GRIK2: variants seen among roughly 807,000 people sequenced by gnomAD.
GRIK2 encodes the protein glutamate ionotropic receptor kainate type subunit 2.
GRIK2 carries 32 observed loss-of-function variants against 100.3 expected under a neutral mutation model. The observed-to-expected ratio is 0.32, with a 90% CI of 0.24 to 0.43. The LOEUF (loss-of-function observed/expected upper bound fraction) is 0.43, where lower values mean the gene tolerates loss of function less well. GRIK2 is among the 20% of genes least tolerant of loss of function. The probability of loss-of-function intolerance (pLI) is 1.00; values close to 1 mark genes in which losing one functional copy is unlikely to be tolerated. For synonymous variants in GRIK2, 417 were observed against 389.4 expected, an observed-to-expected ratio of 1.07 and a Z score of -0.83; for missense variants, 843 against 1,114.9, an observed-to-expected ratio of 0.76 and a Z score of 3.47.
chr6:101,677,293 CAA>C lies in GRIK2; in HGVS notation c.723+492_723+493del, dbSNP rs1471960203. Among the ~76,000 whole-genome samples, 6 of 152,094 alleles carry C rather than the reference CAA, an allele frequency of 3.9e-5. No homozygotes were observed. In the South Asian group the frequency reaches 1.0e-3, roughly 26 times the overall value. On this transcript the variant is annotated intron_variant, in intron 5 of 16. Coordinates refer to ENST00000369134, the MANE Select transcript of GRIK2 (RefSeq NM_021956.5). ...TCTACTTTACAGACAAACTGAGTCC[CAA>C]AATGAACAAGTAACTTGACCAATGT...
chr6:101,645,526 G>A (rs886298742), intron 4 of GRIK2, among the ~76,000 whole-genome samples: 2 of 151,782 alleles, frequency 1.3e-5, no homozygotes, highest in Non-Finnish European at 2.9e-5. Flanking sequence ...TCTTTCTAAA[G>A]GTTTGCTTAT....
chr6:101,898,144 T>C (rs906926898), intron 12 of GRIK2, among the ~76,000 whole-genome samples: 1 of 151,874 alleles, frequency 6.6e-6, no homozygotes, highest in Non-Finnish European at 1.5e-5. Context: ...TAAATACATA[T>C]ATAGCAGCCC....
chr6:102,013,664 C>G (rs964367924), intron 14 of GRIK2, among the ~76,000 whole-genome samples: 4 of 151,916 alleles, frequency 2.6e-5, no homozygotes, highest in African/African-American at 7.3e-5. Flanking sequence ...ATTATTGAAG[C>G]CTTTTCTGCA....
intron 14 of GRIK2, among the ~76,000 whole-genome samples, chr6:101,973,515 T>C (rs908213198): frequency 6.6e-6 from 1 of 151,776 alleles, no homozygotes; most frequent in Non-Finnish European, 1.5e-5. Flanking sequence ...CAGGAGAAAG[T>C]TTTTTGCTGC....
In GRIK2 at chr6:101,929,289, C is replaced by T. The variant is rs148866102; in HGVS notation, c.2085+657C>T. On this transcript the variant is annotated intron_variant, in intron 14 of 16. Transcript: ENST00000369134. The stretch of plus-strand genomic sequence containing the variant: ...TCTTCTCCTTACTCTTGCCTACTCA[C>T]TGGGCCAAAGTAGACCAGTTGAGGG... 4.6e-5 allele frequency among the ~76,000 whole-genome samples: 7 copies of T among 152,278 alleles called. 1 individual carries two copies. In the East Asian group the frequency reaches 1.2e-3, roughly 25 times the overall value.
intron 5 of GRIK2, among the ~76,000 whole-genome samples, chr6:101,677,874 A>T (rs541996423): frequency 2.0e-5 from 3 of 152,294 alleles, no homozygotes; most frequent in African/African-American, 7.2e-5. Flanking sequence ...ATATTCCAAT[A>T]TAAATGTTGA....
intron 14 of GRIK2, among the ~76,000 whole-genome samples, chr6:101,941,516 A>G (rs1340054084): frequency 6.6e-6 from 1 of 152,110 alleles, no homozygotes; most frequent in Non-Finnish European, 1.5e-5. Flanking sequence ...TTAATAGTAA[A>G]AAAAAGAAAC....
intron 9 of GRIK2, among the ~76,000 whole-genome samples, chr6:101,807,732 A>ACTGGAAGT (rs1240753266): frequency 6.6e-6 from 1 of 151,814 alleles, no homozygotes; most frequent in African/African-American, 2.4e-5. Context: ...AAATTGGGAA[A>ACTGGAAGT]CTGGAAGTAA....
chr6:101,692,676 A>C (rs559134307), intron 7 of GRIK2, among the ~76,000 whole-genome samples: 5 of 152,186 alleles, frequency 3.3e-5, no homozygotes, highest in Non-Finnish European at 4.4e-5. Flanking sequence ...AGCAAGAGAC[A>C]CACATATATT....
intron 7 of GRIK2, among the ~76,000 whole-genome samples, chr6:101,756,640 G>A (rs746147945): frequency 3.9e-5 from 6 of 152,056 alleles, no homozygotes; most frequent in Non-Finnish European, 8.8e-5. Context: ...AAGTTTATAA[G>A]GGCTTGGTAT....
chr6:101,593,697 C>T (rs188025981), intron 2 of GRIK2, among the ~76,000 whole-genome samples: 3 of 151,924 alleles, frequency 2.0e-5, no homozygotes, highest in Admixed American at 6.6e-5. Context: ...TTATAGATTA[C>T]GCTGCCAAAA....
At chr6:101,907,859 T>A (rs946192985) in intron 12 of GRIK2, among the ~76,000 whole-genome samples, 7 of 151,678 alleles carry the variant, frequency 4.6e-5, no homozygotes, top group Non-Finnish European at 7.4e-5. Flanking sequence ...TTTCACTTAT[T>A]TCCTCATTTA....
intron 14 of GRIK2, among the ~76,000 whole-genome samples, chr6:102,012,779 G>A (rs1795617175): frequency 6.6e-6 from 1 of 152,084 alleles, no homozygotes; most frequent in Non-Finnish European, 1.5e-5. Context: ...TCTCTGTTCT[G>A]TTCCATTGGT....
At position 101,676,792 on chromosome 6, in the gene GRIK2, C is replaced by T; in HGVS notation, c.711C>T (p.Gly237=). 2 of 1,592,072 alleles carry T rather than the reference C, an allele frequency of 1.3e-6. No individual in the cohort carries two copies. The highest frequency in any genetic ancestry group is 8.6e-7 in the Non-Finnish European group (1 of 1,166,184). ...ATTGTAGCCATGAAATGGCAGCAGG[C>T]ATTTTAAAACAGGTAACCTTTAAAT... ...IFDCSHEMAA[G]ILKQALAMGM... The change falls in exon 5 of 17, where the codon GGC becomes GGT. Residue 237 remains glycine (G), a synonymous_variant. Coordinates refer to ENST00000369134, the MANE Select transcript of GRIK2 (RefSeq NM_021956.5).
At chr6:101,981,382 C>T (rs897888755) in intron 14 of GRIK2, among the ~76,000 whole-genome samples, 1 of 151,772 alleles carries the variant, frequency 6.6e-6, no homozygotes, top group Non-Finnish European at 1.5e-5. Context: ...CTTGGAGGTA[C>T]AGGGATGTGG....
At chr6:101,778,655 G>A (rs9377302) in intron 7 of GRIK2, among the ~76,000 whole-genome samples, 17,304 of 151,996 alleles carry the variant, frequency 0.11, 1,075 homozygotes, top group Admixed American at 0.16. Context: ...CATTTTTGAT[G>A]GATTTTTGCT....
At chr6:101,926,616 A>C (rs1789923202) in intron 13 of GRIK2, among the ~76,000 whole-genome samples, 1 of 152,208 alleles carries the variant, frequency 6.6e-6, no homozygotes, top group South Asian at 2.1e-4. Context: ...CAAGCAATTC[A>C]AGCAATGAAA....
At chr6:102,047,810 ACT>A (rs1232583242) in intron 15 of GRIK2, among the ~76,000 whole-genome samples, 2 of 151,916 alleles carry the variant, frequency 1.3e-5, no homozygotes, top group Non-Finnish European at 2.9e-5. Context: ...TTTAATGTAA[ACT>A]CTCTTAAACT....
At chr6:101,577,418 TAAAA>T (rs907785439) in intron 2 of GRIK2, among the ~76,000 whole-genome samples, 1 of 152,058 alleles carries the variant, frequency 6.6e-6, no homozygotes, top group Non-Finnish European at 1.5e-5. Context: ...GAAAATTAAT[TAAAA>T]AAATATTTAG....
Sources: allele counts gnomAD v4.1 joint callset (sites outside exome capture counted in the v4.1 genomes callset), GRCh38; gene constraint gnomAD v4.1.1; transcripts MANE v1.5; gene names NCBI Gene and HGNC (gene_info 2026-07-23, HGNC 2026-07-21).